PYHIN1: variants seen among roughly 807,000 people sequenced by gnomAD.
PYHIN1 encodes pyrin and HIN domain family member 1.
PYHIN1 carries 32 observed loss-of-function variants against 43.7 expected under a neutral mutation model. The observed-to-expected ratio is 0.73, with a 90% confidence interval of 0.55 to 0.98. The LOEUF (loss-of-function observed/expected upper bound fraction) is 0.98, where lower values mean the gene tolerates loss of function less well. Among genes scored for constraint, PYHIN1 ranks in the 50% least tolerant of loss-of-function variants. The probability of loss-of-function intolerance (pLI) is 0.00; values close to 1 mark genes in which losing one functional copy is unlikely to be tolerated. For missense variants in PYHIN1, 588 were observed against 589.5 expected, an observed-to-expected ratio of 1.00 and a Z score of 0.03; for synonymous variants, 205 against 203.1, an observed-to-expected ratio of 1.01 and a Z score of -0.08.
chr1:158,981,558 G>A (rs1489447484), downstream of PYHIN1, among the ~76,000 whole-genome samples: 4 of 152,136 alleles, frequency 2.6e-5, no homozygotes, highest in African/African-American at 9.7e-5. Context: ...ATTCCTTTGG[G>A]TATATACCAG....
chr1:158,947,697 C>T (rs1649298612), intron 7 of PYHIN1, among the ~76,000 whole-genome samples: 2 of 152,236 alleles, frequency 1.3e-5, no homozygotes, highest in South Asian at 4.1e-4. Context: ...GCAGCCACAG[C>T]CTCCACTAGC....
the PYHIN1 span, among the ~76,000 whole-genome samples, chr1:158,989,037 G>A: frequency 2.6e-5 from 4 of 152,076 alleles, no homozygotes; most frequent in Admixed American, 6.5e-5. Flanking sequence ...ACTGGTTTTT[G>A]GACTTGTTTG....
intron 7 of PYHIN1, among the ~76,000 whole-genome samples, chr1:158,965,710 A>G (rs910167936): frequency 1.3e-5 from 2 of 152,316 alleles, no homozygotes; most frequent in Middle Eastern, 3.4e-3. Context: ...GATAAAATAC[A>G]TCAGAATCTC....
intron 2 of PYHIN1, 105 bp from the exon 3 acceptor site, chr1:158,938,292 A>G: frequency 8.1e-7 from 1 of 1,236,508 alleles, no homozygotes; most frequent in South Asian, 1.4e-5. Flanking sequence ...ACTAAAATAC[A>G]CCTGAACCCT....
At chr1:158,934,323 C>T (rs1039250873) in intron 1 of PYHIN1, among the ~76,000 whole-genome samples, 3 of 152,126 alleles carry the variant, frequency 2.0e-5, no homozygotes, top group African/African-American at 4.8e-5. Flanking sequence ...GCAAATAAAT[C>T]GTGTTGTCAT....
downstream of PYHIN1, among the ~76,000 whole-genome samples, chr1:158,980,302 T>G (rs1215546705): frequency 2.0e-5 from 3 of 152,136 alleles, no homozygotes; most frequent in South Asian, 6.2e-4. Context: ...ACATGTGAGT[T>G]TGAAAAATAT....
chr1:158,944,028 G>C, intron 6 of PYHIN1, 50 bp downstream of exon 6: 1 of 1,486,866 alleles, frequency 6.7e-7, no homozygotes, highest in Non-Finnish European at 9.1e-7. Context: ...AAAATCATTT[G>C]CTTTAAGTTT....
chr1:158,955,163 A>C (rs1649838271), intron 7 of PYHIN1, among the ~76,000 whole-genome samples: 1 of 152,092 alleles, frequency 6.6e-6, no homozygotes, highest in South Asian at 2.1e-4. Context: ...GGAGACTTTA[A>C]CACCCCACTG....
chr1:158,961,309 T>C lies in PYHIN1; in HGVS notation c.1360-12338T>C, dbSNP rs150096163. On this transcript the variant is annotated intron_variant, in intron 7 of 8. Coordinates refer to ENST00000368140, the MANE Select transcript of PYHIN1 (RefSeq NM_152501.5). Reference sequence around the variant, plus strand: ...TACTTTATGTATCTTTTCTTATTTGTTCTTCCTTACACTAACTTGATGATG... The same window carrying C: ...TACTTTATGTATCTTTTCTTATTTGCTCTTCCTTACACTAACTTGATGATG... Among the ~76,000 whole-genome samples, 129 of 152,244 alleles carry C rather than the reference T, an allele frequency of 8.5e-4. 1 individual carries two copies. Among genetic ancestry groups the C allele is most frequent in the African/African-American group, 2.9e-3 (122 of 41,546 alleles).
In PYHIN1 at chr1:158,957,590, C is replaced by A. The variant is rs368892518; in HGVS notation, c.1359+12548C>A. Among the ~76,000 whole-genome samples the A allele has an allele frequency of 4.8e-3, 713 of 148,132 alleles. 4 individuals are homozygous for A. The highest frequency in any genetic ancestry group is 7.9e-3 in the Non-Finnish European group (528 of 66,438). On this transcript the variant is annotated intron_variant, in intron 7 of 8. Transcript: ENST00000368140. ...AAACTGGATCCCTTCCTTACACCTT[C>A]TACAAAAATCAATTCAAGATGGATT...
intron 7 of PYHIN1, among the ~76,000 whole-genome samples, chr1:158,959,652 A>G (rs1270427080): frequency 1.3e-5 from 2 of 152,128 alleles, no homozygotes; most frequent in African/African-American, 4.8e-5. Context: ...ACAGGTACCC[A>G]CGTTTCAGAT....
chr1:158,976,215 G>A (rs1169517716), intron 8 of PYHIN1, among the ~76,000 whole-genome samples: 1 of 152,080 alleles, frequency 6.6e-6, no homozygotes, highest in Non-Finnish European at 1.5e-5. Context: ...ATATTGGAAT[G>A]CAAAAAGATC....
intron 7 of PYHIN1, among the ~76,000 whole-genome samples, chr1:158,965,473 T>G (rs1157454638): frequency 6.6e-6 from 1 of 152,130 alleles, no homozygotes; most frequent in East Asian, 1.9e-4. Context: ...GCACACACTC[T>G]GAAGTCGACC....
intron 7 of PYHIN1, among the ~76,000 whole-genome samples, chr1:158,971,920 GC>G (rs1267081614): frequency 6.6e-6 from 1 of 151,796 alleles, no homozygotes; most frequent in Non-Finnish European, 1.5e-5. Flanking sequence ...CTAAAGTTAT[GC>G]TGCTAGCCAG....
intron 7 of PYHIN1, among the ~76,000 whole-genome samples, chr1:158,948,370 T>C (rs1209110517): frequency 2.0e-5 from 3 of 152,164 alleles, no homozygotes; most frequent in African/African-American, 7.2e-5. Context: ...GCTGCCAAAT[T>C]GTCATGAAAG....
At position 158,973,755 on chromosome 1, in the gene PYHIN1, G is replaced by A. The variant is rs780923953; in HGVS notation, c.1468G>A (p.Ala490Thr). The A allele has an allele frequency of 8.1e-6, 13 of 1,612,768 alleles. No homozygotes were observed. The African/African-American group carries it at 1.7e-4, about 22-fold the overall frequency. ...TGACACTTCCACCAACCGCCATCCA[G>A]CAGTTCCTTAAATAAGGTACCACCT... ...SSDTSTNRHPAVP is the reference protein window; with the variant it reads ...SSDTSTNRHPTVP Residue 490 changes from alanine (A) to threonine (T), a missense_variant, in exon 8 of 9, where the codon GCA (alanine) becomes ACA (threonine). Coordinates refer to ENST00000368140, the MANE Select transcript of PYHIN1 (RefSeq NM_152501.5).
At chr1:158,952,092 G>A (rs557022426) in intron 7 of PYHIN1, among the ~76,000 whole-genome samples, 69 of 150,070 alleles carry the variant, frequency 4.6e-4, no homozygotes, top group Non-Finnish European at 8.0e-4. Flanking sequence ...CCTAGGCGCC[G>A]CTTTTGCCTG....
rs1418310871 is a variant in PYHIN1, at chr1:158,933,645, T to C, written c.-21+1869T>C. On this transcript the variant is annotated intron_variant, in intron 1 of 8. Transcript: ENST00000368140. This position sits in a 1 kb window ranked among gnomAD's most constrained non-coding sequence, Gnocchi z 6.3. Reference sequence around the variant, plus strand: ...TAATAATTAACATATTTTGGCCTGCTTCTGCTATCTTCACTTCAATTTATA... The same window carrying C: ...TAATAATTAACATATTTTGGCCTGCCTCTGCTATCTTCACTTCAATTTATA... 6.6e-6 allele frequency among the ~76,000 whole-genome samples: 1 copy of C among 152,122 alleles called. No individual in the cohort carries two copies. The highest frequency in any genetic ancestry group is 1.5e-5 in the Non-Finnish European group (1 of 67,982).
chr1:158,936,251 C>T (rs1357173544), intron 1 of PYHIN1, among the ~76,000 whole-genome samples: 1 of 137,542 alleles, frequency 7.3e-6, no homozygotes, highest in Non-Finnish European at 1.5e-5. Context: ...CGATGTTCCC[C>T]GTCCTGTGTC....
Sources: gnomAD v4.1 joint callset for allele counts (sites outside exome capture counted in the v4.1 genomes callset) on GRCh38, gnomAD v4.1.1 for gene constraint, Gnocchi (gnomAD v3.1) non-coding constraint, MANE v1.5 for transcripts, NCBI Gene and HGNC (gene_info 2026-07-23, HGNC 2026-07-21) for gene names.